The following TENT4A variants were observed in gnomAD, a reference collection of about 807,000 sequenced individuals.
The protein encoded by TENT4A is DNA polymerase kappa.
TENT4A carries 7 observed loss-of-function variants against 72.8 expected under a neutral mutation model. The ratio of observed to expected loss-of-function variants is 0.10; its 90% CI spans 0.05 to 0.18. The LOEUF (loss-of-function observed/expected upper bound fraction) is 0.18, where lower values mean the gene tolerates loss of function less well. Ranked by LOEUF, TENT4A falls within the 10% of genes least tolerant of loss-of-function variation. The probability of loss-of-function intolerance (pLI) is 1.00; values close to 1 mark genes in which losing one functional copy is unlikely to be tolerated. For synonymous variants in TENT4A, 456 were observed against 434.3 expected, an observed-to-expected ratio of 1.05 and a Z score of -0.62; for missense variants, 831 against 1,017.7, an observed-to-expected ratio of 0.82 and a Z score of 2.50.
chr5:6,717,191 T>C (rs187343984), intron 1 of TENT4A, among the ~76,000 whole-genome samples: 136 of 152,254 alleles, frequency 8.9e-4, no homozygotes, highest in Non-Finnish European at 1.7e-3. Flanking sequence ...TTACCCAGAG[T>C]GTTGAGAAAG....
At position 6,714,362 on chromosome 5, in the gene TENT4A, G is replaced by C; in HGVS notation, c.379G>C (p.Gly127Arg). Residue 127 changes from glycine (G) to arginine (R), a missense_variant, in exon 1 of 13, where the codon GGC (glycine) becomes CGC (arginine). Transcript: ENST00000230859. ...SNAESGTESPGCSSSSSSSAS... is the reference protein window; with the variant it reads ...SNAESGTESPRCSSSSSSSAS... Reference sequence around the variant, plus strand: ...CGCGGAGTCGGGCACCGAGAGCCCCGGCTGCTCGTCGTCGTCCTCCAGCAG... The same window carrying C: ...CGCGGAGTCGGGCACCGAGAGCCCCCGCTGCTCGTCGTCGTCCTCCAGCAG... 1 of 1,138,272 alleles carries C rather than the reference G, an allele frequency of 8.8e-7. No individual in the cohort carries two copies. The highest frequency in any genetic ancestry group is 1.1e-6 in the Non-Finnish European group (1 of 928,664). 70.5% of individuals were successfully genotyped at this position (1,138,272 alleles called of 1,614,324 possible).
chr5:6,746,158 T>G, intron 6 of TENT4A, 56 bp from the exon 7 acceptor site: 1 of 1,612,962 alleles, frequency 6.2e-7, no homozygotes, highest in Admixed American at 1.7e-5. Flanking sequence ...TCGCGTGCTA[T>G]TTTCTTTAGA....
chr5:6,748,237 C>T (rs947348091), intron 7 of TENT4A, among the ~76,000 whole-genome samples: 1 of 152,232 alleles, frequency 6.6e-6, no homozygotes. Context: ...CAGACCAGTC[C>T]TCTCGGCACT....
chr5:6,716,283 G>A (rs778826894), intron 1 of TENT4A, among the ~76,000 whole-genome samples: 2 of 152,150 alleles, frequency 1.3e-5, no homozygotes, highest in Non-Finnish European at 2.9e-5. Flanking sequence ...CGGCATGGGA[G>A]ACACAGTCTC....
rs1347821620 is a variant in TENT4A, at chr5:6,731,999, T to C, written c.717-5511T>C. Among the ~76,000 whole-genome samples, 3 of 152,250 alleles carry C rather than the reference T, an allele frequency of 2.0e-5. No individual in the cohort carries two copies. The East Asian group carries it at 5.8e-4, about 29-fold the overall frequency. On this transcript the variant is annotated intron_variant, in intron 1 of 12. Coordinates refer to ENST00000230859, the MANE Select transcript of TENT4A (RefSeq NM_006999.6). ...GGCTTCTGGGCTATGACCTTTGCCT[T>C]TTTTGCCCTTTAGTTCCTTTGCCCT...
At chr5:6,723,239 C>G (rs563011052) in intron 1 of TENT4A, among the ~76,000 whole-genome samples, 42 of 152,294 alleles carry the variant, frequency 2.8e-4, no homozygotes, top group Non-Finnish European at 1.2e-4. Flanking sequence ...CATAGCAGAG[C>G]GCAGCACAGA....
chr5:6,756,898 T>G lies in TENT4A; in HGVS notation c.*1953T>G, dbSNP rs752557593. 4.6e-5 allele frequency: 7 copies of G among 152,680 alleles called. No individual in the cohort carries two copies. Among genetic ancestry groups the G allele is most frequent in the Admixed American group, 2.0e-4 (3 of 15,292 alleles). The allele number at this position is 152,680 out of a possible 1,614,324, so 9.5% of individuals were successfully genotyped here. On this transcript the variant is annotated 3_prime_UTR_variant, in exon 13 of 13. Coordinates refer to ENST00000230859, the MANE Select transcript of TENT4A (RefSeq NM_006999.6). ...GGTGAAGCAAATGAATTGGCCTGGC[T>G]ACCACTGTGGTCGCGTGCTACAGGT...
intron 8 of TENT4A, among the ~76,000 whole-genome samples, 183 bp from the exon 9 acceptor site, chr5:6,749,374 A>G (rs1288157263): frequency 2.6e-5 from 4 of 152,212 alleles, no homozygotes; most frequent in Non-Finnish European, 4.4e-5. Flanking sequence ...CTGCGATCCC[A>G]GGGTATGCTT....
chr5:6,737,145 C>T (rs1741552277), intron 1 of TENT4A, among the ~76,000 whole-genome samples: 1 of 152,256 alleles, frequency 6.6e-6, no homozygotes, highest in African/African-American at 2.4e-5. Context: ...GGAGCTGGTT[C>T]CCAGCCTCAG....
intron 1 of TENT4A, among the ~76,000 whole-genome samples, chr5:6,732,356 G>T (rs570050660): frequency 6.6e-6 from 1 of 152,340 alleles, no homozygotes; most frequent in East Asian, 1.9e-4. Context: ...GTCACCTGTT[G>T]TCATCAATAG....
intron 6 of TENT4A, among the ~76,000 whole-genome samples, chr5:6,745,063 C>A (rs1348844152): frequency 6.6e-6 from 1 of 152,222 alleles, no homozygotes; most frequent in African/African-American, 2.4e-5. Context: ...GTGCCCAGAG[C>A]TTGTCCTGCC....
intron 4 of TENT4A, among the ~76,000 whole-genome samples, chr5:6,742,126 A>G (rs1441045540): frequency 6.6e-6 from 1 of 152,230 alleles, no homozygotes; most frequent in East Asian, 1.9e-4. Context: ...AATGATTTCA[A>G]AAATTCTGCC....
chr5:6,750,162 C>A (rs951752035), intron 9 of TENT4A, among the ~76,000 whole-genome samples, 169 bp from the exon 10 acceptor site: 2 of 152,242 alleles, frequency 1.3e-5, no homozygotes, highest in Non-Finnish European at 2.9e-5. Context: ...TGTTTTCCAA[C>A]AACTAATTGA....
chr5:6,746,543 G>A, intron 7 of TENT4A, 116 bp downstream of exon 7: 7 of 815,328 alleles, frequency 8.6e-6, no homozygotes, highest in Non-Finnish European at 1.2e-5. Context: ...TCTTGATGCA[G>A]GTTTCTCTTA....
chr5:6,723,398 T>TTA (rs1740756278), intron 1 of TENT4A, among the ~76,000 whole-genome samples: 1 of 85,132 alleles, frequency 1.2e-5, no homozygotes, highest in African/African-American at 3.7e-5. Flanking sequence ...CCATTGTGGC[T>TTA]CGTGTGTGGG....
At chr5:6,722,544 TTAG>T (rs1456655535) in intron 1 of TENT4A, among the ~76,000 whole-genome samples, 1 of 127,064 alleles carries the variant, frequency 7.9e-6, no homozygotes, top group Admixed American at 8.7e-5. Flanking sequence ...TTTGCATTTG[TTAG>T]TTTTTTTTTT....
At chr5:6,721,831 A>T (rs1392962177) in intron 1 of TENT4A, among the ~76,000 whole-genome samples, 2 of 152,178 alleles carry the variant, frequency 1.3e-5, no homozygotes, top group Non-Finnish European at 2.9e-5. Flanking sequence ...TGCCGTGCAT[A>T]ACCAGTTAGG....
chr5:6,721,937 A>G (rs1297997857), intron 1 of TENT4A, among the ~76,000 whole-genome samples: 1 of 152,208 alleles, frequency 6.6e-6, no homozygotes, highest in African/African-American at 2.4e-5. Flanking sequence ...ATTTCAGATC[A>G]TTGTAACATT....
At chr5:6,716,103 C>T (rs549826095) in intron 1 of TENT4A, among the ~76,000 whole-genome samples, 1 of 152,324 alleles carries the variant, frequency 6.6e-6, no homozygotes, top group African/African-American at 2.4e-5. Context: ...GGTTGTACCT[C>T]TGCTCTTAGA....
Sources: gnomAD v4.1 joint callset for allele counts (sites outside exome capture counted in the v4.1 genomes callset) on GRCh38, gnomAD v4.1.1 for gene constraint, MANE v1.5 for transcripts, NCBI Gene and HGNC (gene_info 2026-07-23, HGNC 2026-07-21) for gene names.